The following SLC14A2 variants were observed in gnomAD, a reference collection of about 807,000 sequenced individuals.
SLC14A2 encodes the protein solute carrier family 14 member 2.
SLC14A2 carries 91 observed loss-of-function variants against 104.6 expected under a neutral mutation model. The observed-to-expected ratio is 0.87, with a 90% CI of 0.73 to 1.04. The LOEUF (loss-of-function observed/expected upper bound fraction) is 1.04, where lower values mean the gene tolerates loss of function less well. SLC14A2 is among the 50% of genes least tolerant of loss of function. SLC14A2 has a pLI of 0.00. For missense variants in SLC14A2, 1,189 were observed against 1,156.0 expected, an observed-to-expected ratio of 1.03 and a Z score of -0.41; for synonymous variants, 476 against 466.4, an observed-to-expected ratio of 1.02 and a Z score of -0.27.
At chr18:45,450,145 G>A (rs1219536157) in intron 1 of SLC14A2, among the ~76,000 whole-genome samples, 1 of 152,228 alleles carries the variant, frequency 6.6e-6, no homozygotes, top group Non-Finnish European at 1.5e-5. Flanking sequence ...GGCTGCAGCT[G>A]TGAATCACAA....
chr18:45,656,741 G>A (rs2045844194), intron 10 of SLC14A2, among the ~76,000 whole-genome samples: 1 of 152,148 alleles, frequency 6.6e-6, no homozygotes, highest in Non-Finnish European at 1.5e-5. Flanking sequence ...GTTCAATAAG[G>A]CATCAACTTA....
Position 45,642,616 on chromosome 18 carries a change from G to A in SLC14A2, c.1127-516G>A, listed in dbSNP as rs2045549603. Among the ~76,000 whole-genome samples the A allele has an allele frequency of 2.0e-5, 3 of 152,358 alleles. No homozygotes were observed. In the South Asian group the frequency reaches 6.2e-4, roughly 32 times the overall value. ...TCCTCAGGACCCAGCTCCCATGGGG[G>A]AACCCAGCTGCCTGGCTCCTGGGGA... is the stretch of plus-strand genomic sequence containing the variant. On this transcript the variant is annotated intron_variant, in intron 8 of 19. Coordinates refer to ENST00000255226, the MANE Select transcript of SLC14A2 (RefSeq NM_007163.4).
At chr18:45,360,680 T>C (rs904454685) in intron 1 of SLC14A2, among the ~76,000 whole-genome samples, 9 of 152,244 alleles carry the variant, frequency 5.9e-5, no homozygotes, top group Non-Finnish European at 1.3e-4. Context: ...TGATCTGATT[T>C]CCAAGAAGGG....
chr18:45,590,314 GACA>G (rs1303901289), intron 2 of SLC14A2, among the ~76,000 whole-genome samples: 1 of 152,230 alleles, frequency 6.6e-6, no homozygotes, highest in East Asian at 1.9e-4. Flanking sequence ...CAGAGCTGCT[GACA>G]ACATTGTTTT....
chr18:45,312,154 T>C (rs1445427826), intron 1 of SLC14A2, among the ~76,000 whole-genome samples: 1 of 152,172 alleles, frequency 6.6e-6, no homozygotes, highest in East Asian at 1.9e-4. Flanking sequence ...ATTTATAAAA[T>C]GAAAATAATG....
At chr18:45,298,774 AAG>A (rs2084940393) in intron 1 of SLC14A2, among the ~76,000 whole-genome samples, 1 of 152,192 alleles carries the variant, frequency 6.6e-6, no homozygotes, top group Admixed American at 6.5e-5. Context: ...GAGAGAAGGA[AAG>A]AGGATTCTCT....
intron 2 of SLC14A2, among the ~76,000 whole-genome samples, chr18:45,524,694 T>C (rs2043566381): frequency 6.6e-6 from 1 of 152,214 alleles, no homozygotes. Flanking sequence ...ACAATCTTCA[T>C]GGAAAGAACA....
rs530366339 is a variant in SLC14A2 at position 45,319,148 on chromosome 18, T to C, written c.-125+105957T>C. On this transcript the variant is annotated intron_variant, in intron 1 of 20. Transcript: ENST00000586448. Reference sequence around the variant, plus strand: ...CTCCAGTTTCTCCATGAGCCCCAGCTCCTCTTTAGGACCACTGACTCTCCA... The same window carrying C: ...CTCCAGTTTCTCCATGAGCCCCAGCCCCTCTTTAGGACCACTGACTCTCCA... Among the ~76,000 whole-genome samples the C allele has an allele frequency of 3.3e-4, 51 of 152,254 alleles. 1 individual carries two copies. The highest frequency in any genetic ancestry group is 6.5e-4 in the Non-Finnish European group (44 of 68,014).
intron 1 of SLC14A2, among the ~76,000 whole-genome samples, chr18:45,385,002 G>T (rs1038134105): frequency 7.9e-5 from 12 of 152,122 alleles, no homozygotes; most frequent in African/African-American, 2.7e-4. Context: ...GAGCTAAAAC[G>T]CAGAAACAAA....
intron 1 of SLC14A2, among the ~76,000 whole-genome samples, chr18:45,401,229 C>G (rs1003892715): frequency 1.3e-5 from 2 of 152,178 alleles, no homozygotes; most frequent in Non-Finnish European, 2.9e-5. Flanking sequence ...CAGTACATCT[C>G]TCTTTCCAGC....
rs568946794 is a variant in SLC14A2, at chr18:45,396,506, T to C, written c.-124-86727T>C. On this transcript the variant is annotated intron_variant, in intron 1 of 20. Coordinates refer to the SLC14A2 transcript ENST00000586448. ...AAAAATGTCAAAATTCTTCCCCTTT[T>C]CTGTCACTTTCTATGATTTTTTATT... Among the ~76,000 whole-genome samples the C allele has an allele frequency of 7.9e-5, 12 of 152,292 alleles. No individual in the cohort carries two copies. The South Asian group carries it at 8.3e-4, about 11-fold the overall frequency.
chr18:45,198,745 A>T, the SLC14A2 span, among the ~76,000 whole-genome samples: 1 of 152,068 alleles, frequency 6.6e-6, no homozygotes, highest in Non-Finnish European at 1.5e-5. Flanking sequence ...TAATTTTTTT[A>T]ACAAAATGCA....
intron 4 of SLC14A2, 77 bp downstream of exon 4, chr18:45,627,224 C>A: frequency 7.5e-7 from 1 of 1,334,896 alleles, no homozygotes; most frequent in Non-Finnish European, 1.1e-6. Flanking sequence ...AGTAATCAGT[C>A]AACCTTACCC....
intron 1 of SLC14A2, among the ~76,000 whole-genome samples, chr18:45,305,944 A>G (rs1270857122): frequency 6.6e-6 from 1 of 152,222 alleles, no homozygotes; most frequent in African/African-American, 2.4e-5. Flanking sequence ...ACCAAACTTT[A>G]ATTAGGGAGC....
intron 1 of SLC14A2, among the ~76,000 whole-genome samples, chr18:45,376,957 A>G (rs9958680): frequency 0.025 from 3,749 of 152,268 alleles, 152 homozygotes; most frequent in African/African-American, 0.084. Flanking sequence ...TTAATAAAAC[A>G]CATTGTTAAC....
At chr18:45,487,948 A>C (rs1466342001) in intron 2 of SLC14A2, among the ~76,000 whole-genome samples, 2 of 152,186 alleles carry the variant, frequency 1.3e-5, no homozygotes, top group African/African-American at 2.4e-5. Flanking sequence ...TCCTTCATTC[A>C]TGAAAGATGA....
intron 1 of SLC14A2, among the ~76,000 whole-genome samples, chr18:45,420,066 G>C (rs1328232546): frequency 6.6e-6 from 1 of 152,194 alleles, no homozygotes; most frequent in African/African-American, 2.4e-5. Flanking sequence ...GGTAGTTCTG[G>C]CTTGGGATCT....
intron 10 of SLC14A2, among the ~76,000 whole-genome samples, chr18:45,648,245 G>T (rs1292232633): frequency 8.0e-6 from 1 of 124,934 alleles, no homozygotes; most frequent in Middle Eastern, 6.1e-3. Context: ...TCACTCTATC[G>T]CCCAGGCTGG....
At chr18:45,487,366 T>A (rs912343783) in intron 2 of SLC14A2, among the ~76,000 whole-genome samples, 2 of 152,228 alleles carry the variant, frequency 1.3e-5, no homozygotes, top group African/African-American at 4.8e-5. Context: ...TGATGCAGAA[T>A]AATCTCCCTA....
Sources: gnomAD v4.1 joint callset for allele counts (sites outside exome capture counted in the v4.1 genomes callset) on GRCh38, gnomAD v4.1.1 for gene constraint, MANE v1.5 for transcripts, NCBI Gene and HGNC (gene_info 2026-07-23, HGNC 2026-07-21) for gene names.